The following MGAT5 variants were observed in gnomAD, a reference collection of about 807,000 sequenced individuals.
The protein encoded by MGAT5 is alpha-1,6-mannosylglycoprotein 6-beta-N-acetylglucosaminyltransferase, also known as alpha-1,6-mannosylglycoprotein 6-beta-N-acetylglucosaminyltransferase A.
Under a neutral mutation model 94.3 loss-of-function variants are expected in MGAT5, and 30 were observed. That is an observed-to-expected ratio of 0.32 (90% CI 0.24 to 0.43). MGAT5 has a LOEUF of 0.43. Ranked by LOEUF, MGAT5 falls within the 20% of genes least tolerant of loss-of-function variation. MGAT5 has a pLI of 1.00. For synonymous variants in MGAT5, 310 were observed against 322.9 expected, an observed-to-expected ratio of 0.96 and a Z score of 0.43; for missense variants, 691 against 905.5, an observed-to-expected ratio of 0.76 and a Z score of 3.04.
intron 1 of MGAT5, among the ~76,000 whole-genome samples, chr2:134,120,821 C>A (rs1168326684): frequency 1.3e-5 from 2 of 151,926 alleles, no homozygotes; most frequent in East Asian, 3.9e-4. Context: ...GGCCCCGAGC[C>A]CCTAGGGAGG....
At chr2:134,203,878 TC>T (rs1284664429) in intron 1 of MGAT5, among the ~76,000 whole-genome samples, 15 of 152,164 alleles carry the variant, frequency 9.9e-5, no homozygotes, top group Non-Finnish European at 1.9e-4. Flanking sequence ...CTCTGGACAT[TC>T]ATTTCTTCAC....
At chr2:134,146,266 C>G (rs1311423732) in intron 1 of MGAT5, among the ~76,000 whole-genome samples, 1 of 151,942 alleles carries the variant, frequency 6.6e-6, no homozygotes, top group East Asian at 1.9e-4. Context: ...AGAATGAAAA[C>G]GTTTGAGTAG....
chr2:134,169,425 C>CAGACACAG (rs1187017917), intron 1 of MGAT5, among the ~76,000 whole-genome samples: 2 of 151,498 alleles, frequency 1.3e-5, no homozygotes, highest in African/African-American at 4.9e-5. Context: ...CACACACACA[C>CAGACACAG]ACACACACAC....
At chr2:134,255,039 T>TG in intron 1 of MGAT5, among the ~76,000 whole-genome samples, 1 of 152,120 alleles carries the variant, frequency 6.6e-6, no homozygotes, top group East Asian at 1.9e-4. Flanking sequence ...GTGAAGAGGA[T>TG]GGGGAGGAAT....
intron 1 of MGAT5, among the ~76,000 whole-genome samples, chr2:134,194,923 T>C (rs1679425580): frequency 6.6e-6 from 1 of 152,220 alleles, no homozygotes; most frequent in Non-Finnish European, 1.5e-5. Flanking sequence ...GATAATGCAG[T>C]TGAAGTTGGG....
chr2:134,403,656 G>A (rs1683181802), intron 11 of MGAT5, among the ~76,000 whole-genome samples: 1 of 152,258 alleles, frequency 6.6e-6, no homozygotes, highest in South Asian at 2.1e-4. Context: ...TGCAAGAGAT[G>A]AAAGATGGAT....
intron 1 of MGAT5, among the ~76,000 whole-genome samples, chr2:134,246,796 CATA>C (rs1363701848): frequency 1.3e-5 from 2 of 152,156 alleles, no homozygotes; most frequent in African/African-American, 2.4e-5. Flanking sequence ...AACTGGAAAA[CATA>C]ATATTTTCTG....
intron 1 of MGAT5, among the ~76,000 whole-genome samples, chr2:134,169,401 C>CACAT (rs1173398551): frequency 7.8e-6 from 1 of 127,944 alleles, no homozygotes; most frequent in Non-Finnish European, 1.7e-5. Context: ...CACACACACA[C>CACAT]ACACACACAC....
intron 4 of MGAT5, among the ~76,000 whole-genome samples, chr2:134,330,643 T>C (rs1269020276): frequency 6.6e-6 from 1 of 151,764 alleles, no homozygotes; most frequent in Non-Finnish European, 1.5e-5. Flanking sequence ...GTAACTCCTT[T>C]AAAAATTATT....
intron 12 of MGAT5, among the ~76,000 whole-genome samples, chr2:134,418,698 A>G (rs1192957793): frequency 6.6e-6 from 1 of 152,280 alleles, no homozygotes; most frequent in Admixed American, 6.5e-5. Flanking sequence ...GTGCAGGGTT[A>G]GCTGCGAAGG....
chr2:134,155,810 C>T (rs988128050), intron 1 of MGAT5, among the ~76,000 whole-genome samples: 1 of 152,018 alleles, frequency 6.6e-6, no homozygotes, highest in Non-Finnish European at 1.5e-5. Flanking sequence ...ACATGGTGTT[C>T]TTTTTCTGAG....
intron 10 of MGAT5, among the ~76,000 whole-genome samples, chr2:134,372,530 C>T (rs531093088): frequency 1.3e-5 from 2 of 152,320 alleles, no homozygotes; most frequent in South Asian, 2.1e-4. Flanking sequence ...GCCTCAGAGA[C>T]ATTTAGAAGA....
chr2:134,226,350 G>A (rs1681063211), intron 1 of MGAT5, among the ~76,000 whole-genome samples: 1 of 152,110 alleles, frequency 6.6e-6, no homozygotes, highest in South Asian at 2.1e-4. Context: ...TCTCCTTTTT[G>A]TCCATAAGTA....
chr2:134,349,983 G>GA (rs1679265751), intron 9 of MGAT5, 45 bp downstream of exon 9: 1 of 1,605,900 alleles, frequency 6.2e-7, no homozygotes, highest in Non-Finnish European at 8.5e-7. Flanking sequence ...TGCCACCAAA[G>GA]ATAGATGGGA....
At chr2:134,347,082 C>T (rs1688963303) in intron 8 of MGAT5, among the ~76,000 whole-genome samples, 1 of 152,086 alleles carries the variant, frequency 6.6e-6, no homozygotes, top group South Asian at 2.1e-4. Flanking sequence ...ATGCTCCAGA[C>T]ACAGAGACAT....
At chr2:134,312,976 C>G (rs1467616437) in intron 2 of MGAT5, among the ~76,000 whole-genome samples, 1 of 151,852 alleles carries the variant, frequency 6.6e-6, no homozygotes, top group Non-Finnish European at 1.5e-5. Flanking sequence ...GTACCAACTT[C>G]TCCTGCCCTG....
intron 2 of MGAT5, among the ~76,000 whole-genome samples, chr2:134,311,171 A>G (rs909194630): frequency 3.3e-5 from 5 of 152,228 alleles, no homozygotes; most frequent in African/African-American, 1.2e-4. Flanking sequence ...AGATTGAATC[A>G]GTTTCCTGTA....
At chr2:134,335,121 A>C (rs992537217) in intron 4 of MGAT5, among the ~76,000 whole-genome samples, 15 of 152,244 alleles carry the variant, frequency 9.9e-5, no homozygotes, top group Middle Eastern at 3.4e-3. Context: ...AGTAACTTCC[A>C]GATTAAGTAA....
In MGAT5 at chr2:134,310,629, G is replaced by C. The variant is rs58688062; in HGVS notation, c.407-6900G>C. Reference sequence around the variant, plus strand: ...TCTTGACTTCTCAATTGCTTTGTTGGGGAGGGAACTTCCTATTGCTGTGGG... The same window carrying C: ...TCTTGACTTCTCAATTGCTTTGTTGCGGAGGGAACTTCCTATTGCTGTGGG... On this transcript the variant is annotated intron_variant, in intron 2 of 15. Coordinates refer to ENST00000281923, the MANE Select transcript of MGAT5 (RefSeq NM_002410.5). 5.9e-3 allele frequency among the ~76,000 whole-genome samples: 900 copies of C among 152,254 alleles called. 12 individuals are homozygous for C. The highest frequency in any genetic ancestry group is 0.02 in the African/African-American group (838 of 41,542).
Sources: allele counts gnomAD v4.1 joint callset (sites outside exome capture counted in the v4.1 genomes callset), GRCh38; gene constraint gnomAD v4.1.1; transcripts MANE v1.5; gene names NCBI Gene and HGNC (gene_info 2026-07-23, HGNC 2026-07-21).